The following URI1 variants were observed in gnomAD, a reference collection of about 807,000 sequenced individuals.
The protein encoded by URI1 is unconventional prefoldin RPB5 interactor 1.
In URI1, 39 loss-of-function variants were observed where a neutral mutation model predicts 60.2. That is an observed-to-expected ratio of 0.65 (90% CI 0.50 to 0.85). The LOEUF is 0.85. Ranked by LOEUF, URI1 falls within the 40% of genes least tolerant of loss-of-function variation. The pLI is 0.00. For synonymous variants in URI1, 251 were observed against 236.8 expected, an observed-to-expected ratio of 1.06 and a Z score of -0.55; for missense variants, 691 against 665.9, an observed-to-expected ratio of 1.04 and a Z score of -0.42.
At chr19:29,999,763 C>A (rs1290654158) in intron 4 of URI1, among the ~76,000 whole-genome samples, 2 of 151,910 alleles carry the variant, frequency 1.3e-5, no homozygotes, top group African/African-American at 2.4e-5. Flanking sequence ...TTTCAAAATA[C>A]AAATTTATGA....
At chr19:29,923,723 A>G (rs1012972221) in exon 1 of URI1, 1 of 1,536,648 alleles carries the variant, frequency 6.5e-7, no homozygotes, top group African/African-American at 1.4e-5. Flanking sequence ...CAAGGAAGCC[A>G]CGTTTCTAAG....
intron 1 of URI1, chr19:29,923,898 G>C: frequency 2.4e-6 from 2 of 835,592 alleles, no homozygotes; most frequent in South Asian, 3.5e-5. Context: ...ACCTGGAAGA[G>C]GGGCTTTATA....
chr19:30,005,350 C>G lies in URI1; in HGVS notation c.368-11C>G. ...CCATGCTTTACATAATGGTTGTGTT[C>G]ATTGTTTCAGATGTAAGAAAAACAA... is the stretch of plus-strand genomic sequence containing the variant. On this transcript the variant is annotated splice_polypyrimidine_tract_variant and intron_variant, in intron 4 of 10. Coordinates refer to ENST00000392271, the MANE Select transcript of URI1 (RefSeq NM_003796.3). The G allele has an allele frequency of 6.7e-7, 1 of 1,493,432 alleles. No homozygotes were observed. 92.5% of individuals were successfully genotyped at this position (1,493,432 alleles called of 1,614,324 possible).
At chr19:29,973,626 A>T (rs2055486427) in intron 2 of URI1, among the ~76,000 whole-genome samples, 1 of 152,180 alleles carries the variant, frequency 6.6e-6, no homozygotes, top group Non-Finnish European at 1.5e-5. Flanking sequence ...TGTTTAAAAA[A>T]AAATGTAGGA....
intron 4 of URI1, 71 bp from the exon 5 acceptor site, chr19:30,005,290 C>T (rs2055926320): frequency 2.4e-6 from 2 of 835,586 alleles, no homozygotes; most frequent in Admixed American, 2.9e-5. Flanking sequence ...TGTGATAGGA[C>T]TACAGTTAAA....
chr19:29,936,590 G>C (rs1348867149), intron 1 of URI1, among the ~76,000 whole-genome samples: 5 of 152,126 alleles, frequency 3.3e-5, no homozygotes, highest in Non-Finnish European at 5.9e-5. Context: ...TCTTGGACGT[G>C]TATGTTCATA....
At chr19:30,011,733 A>C (rs1217062689) in intron 9 of URI1, among the ~76,000 whole-genome samples, 1 of 151,722 alleles carries the variant, frequency 6.6e-6, no homozygotes, top group Non-Finnish European at 1.5e-5. Flanking sequence ...CTAAATGTAT[A>C]CGTGGGTCTA....
rs551935451 is a variant in URI1 at position 29,942,581 on chromosome 19, C to G, written c.34C>G (p.Pro12Ala). ...EAPTVETPPDPSPPSAPAPAL... is the reference protein window; with the variant it reads ...EAPTVETPPDASPPSAPAPAL... ...GCCCACCGTGGAGACGCCCCCCGAC[C>G]CCTCGCCCCCTTCGGCCCCGGCCCC... The change falls in exon 1 of 11, where the codon CCC (proline) becomes GCC (alanine). Residue 12 changes from proline to alanine, a missense_variant. Coordinates refer to ENST00000392271, the MANE Select transcript of URI1 (RefSeq NM_003796.3). 2 of 1,424,658 alleles carry G rather than the reference C, an allele frequency of 1.4e-6. No individual in the cohort carries two copies. The highest frequency in any genetic ancestry group is 3.0e-5 in the African/African-American group (2 of 66,776). 88.3% of individuals were successfully genotyped at this position (1,424,658 alleles called of 1,614,324 possible).
At chr19:29,978,400 G>A (rs1230339948) in intron 2 of URI1, among the ~76,000 whole-genome samples, 4 of 152,116 alleles carry the variant, frequency 2.6e-5, no homozygotes, top group African/African-American at 9.7e-5. Flanking sequence ...AAGGGCTTAG[G>A]GCTTACTGCT....
chr19:30,007,955 A>AAT (rs1219307609), intron 7 of URI1, among the ~76,000 whole-genome samples: 6 of 152,054 alleles, frequency 3.9e-5, no homozygotes, highest in African/African-American at 9.7e-5. Context: ...TCATGGATTT[A>AAT]ATATATATAA....
At chr19:29,993,289 A>T (rs1174610334) in intron 4 of URI1, among the ~76,000 whole-genome samples, 1 of 152,170 alleles carries the variant, frequency 6.6e-6, no homozygotes, top group Non-Finnish European at 1.5e-5. Flanking sequence ...GAAGCATTGG[A>T]TGAGTGGTGA....
chr19:29,984,198 G>T (rs928026940), intron 2 of URI1, among the ~76,000 whole-genome samples: 1 of 152,146 alleles, frequency 6.6e-6, no homozygotes, highest in Non-Finnish European at 1.5e-5. Context: ...GGCTGCGGTG[G>T]GGGGATCGCT....
intron 1 of URI1, among the ~76,000 whole-genome samples, chr19:29,958,424 A>T (rs907042093): frequency 2.6e-5 from 4 of 152,164 alleles, no homozygotes; most frequent in Non-Finnish European, 4.4e-5. Context: ...TCATTAATGG[A>T]TGCTGAATTT....
chr19:29,937,375 T>C (rs187064880), upstream of URI1, among the ~76,000 whole-genome samples: 18 of 152,348 alleles, frequency 1.2e-4, no homozygotes, highest in African/African-American at 4.3e-4. Flanking sequence ...GGATGGCTTC[T>C]ATTGAATTCT....
intron 1 of URI1, among the ~76,000 whole-genome samples, chr19:29,945,231 G>C (rs2055088402): frequency 6.6e-6 from 1 of 152,174 alleles, no homozygotes. Context: ...ACACACAGTG[G>C]GTGCCTTAGG....
chr19:30,009,385 A>T (rs776215507), intron 8 of URI1, 32 bp downstream of exon 8: 19 of 1,551,988 alleles, frequency 1.2e-5, no homozygotes, highest in Non-Finnish European at 1.5e-5. Flanking sequence ...CTAATTTTGC[A>T]TATAATTTGA....
At chr19:29,939,297 C>T (rs1338413233), upstream of URI1, among the ~76,000 whole-genome samples, 6 of 120,076 alleles carry the variant, frequency 5.0e-5, no homozygotes, top group African/African-American at 1.6e-4. Context: ...TTTTTTTAGA[C>T]GAAGTGTCAT....
intron 2 of URI1, among the ~76,000 whole-genome samples, chr19:29,974,262 A>T (rs1431481910): frequency 6.6e-6 from 1 of 152,058 alleles, no homozygotes; most frequent in Non-Finnish European, 1.5e-5. Flanking sequence ...TATTAATAGG[A>T]ACCCATATAC....
intron 2 of URI1, chr19:29,980,177 C>T (rs1002517456): frequency 6.6e-6 from 1 of 152,040 alleles, no homozygotes; most frequent in Non-Finnish European, 1.5e-5. Context: ...AGCCAGGCAT[C>T]CTTCAAGCTA....
Sources: gnomAD v4.1 joint callset for allele counts (sites outside exome capture counted in the v4.1 genomes callset) on GRCh38, gnomAD v4.1.1 for gene constraint, MANE v1.5 for transcripts, NCBI Gene and HGNC (gene_info 2026-07-23, HGNC 2026-07-21) for gene names.